The following APBA2 variants were observed in gnomAD, a reference collection of about 807,000 sequenced individuals.
APBA2 encodes amyloid-beta A4 precursor protein-binding family A member 2.
A neutral mutation model predicts 75.0 loss-of-function variants in APBA2; 30 were observed. The ratio of observed to expected loss-of-function variants is 0.40; its 90% confidence interval spans 0.30 to 0.54. APBA2 has a LOEUF of 0.54. Among genes scored for constraint, APBA2 ranks in the 20% least tolerant of loss-of-function variants. The pLI is 0.49. For synonymous variants in APBA2, 444 were observed against 409.6 expected, an observed-to-expected ratio of 1.08 and a Z score of -1.01; for missense variants, 801 against 1,016.1, an observed-to-expected ratio of 0.79 and a Z score of 2.88.
At chr15:28,897,041 G>A (rs1245428208) in intron 1 of APBA2, among the ~76,000 whole-genome samples, 1 of 152,022 alleles carries the variant, frequency 6.6e-6, no homozygotes, top group Admixed American at 6.6e-5. Context: ...TCACATCTCC[G>A]GCCCTGACAC....
At chr15:29,006,422 A>T (rs1294332087) in intron 3 of APBA2, among the ~76,000 whole-genome samples, 1 of 152,240 alleles carries the variant, frequency 6.6e-6, no homozygotes, top group East Asian at 1.9e-4. Flanking sequence ...CAGTAAATGG[A>T]AAGACATGGA....
rs1407546719 is a variant in APBA2, at chr15:29,114,903, G to A, written c.2178+887G>A. ...GGTGTGTGGCTGTGGGTGTGTGTGA[G>A]CATGGGGTGTCAAGCATGAGTGTGT... On this transcript the variant is annotated intron_variant, in intron 14 of 14. Coordinates refer to ENST00000683413, the MANE Select transcript of APBA2 (RefSeq NM_001353788.2). Among the ~76,000 whole-genome samples the A allele has an allele frequency of 4.9e-5, 7 of 141,758 alleles. No homozygotes were observed. In the East Asian group the frequency reaches 1.4e-3, roughly 29 times the overall value. The allele number at this position is 141,758 out of a possible 152,430, so 93.0% of individuals were successfully genotyped here. A position where few individuals can be genotyped will look rare whatever the true frequency, so the allele number is the denominator to read the frequency against.
At chr15:28,900,699 G>C (rs182453627) in intron 1 of APBA2, among the ~76,000 whole-genome samples, 2 of 152,076 alleles carry the variant, frequency 1.3e-5, no homozygotes, top group Non-Finnish European at 1.5e-5. Flanking sequence ...CCTGGGCGGC[G>C]CCCCTGTGTG....
At chr15:29,050,082 G>C (rs1293486601) in intron 3 of APBA2, among the ~76,000 whole-genome samples, 1 of 152,186 alleles carries the variant, frequency 6.6e-6, no homozygotes, top group Non-Finnish European at 1.5e-5. Flanking sequence ...GACATAGTTT[G>C]CTGGAATTTC....
chr15:29,002,622 G>C (rs1357776509), intron 3 of APBA2, among the ~76,000 whole-genome samples: 2 of 152,054 alleles, frequency 1.3e-5, no homozygotes, highest in Non-Finnish European at 2.9e-5. Context: ...CCTCACGTGT[G>C]GGGTACACTG....
intron 12 of APBA2, 125 bp from the exon 13 acceptor site, chr15:29,108,145 T>C: frequency 7.2e-7 from 1 of 1,391,186 alleles, no homozygotes; most frequent in East Asian, 2.3e-5. Context: ...GAGAGGGGAC[T>C]GCCTGCCTCT....
At chr15:28,940,911 G>A (rs1016549582) in intron 2 of APBA2, among the ~76,000 whole-genome samples, 4 of 152,232 alleles carry the variant, frequency 2.6e-5, no homozygotes, top group Admixed American at 6.5e-5. Context: ...CAAAGTCCAC[G>A]AGGATAGTGT....
At chr15:28,895,852 A>T (rs142139774) in intron 1 of APBA2, among the ~76,000 whole-genome samples, 1 of 151,766 alleles carries the variant, frequency 6.6e-6, no homozygotes, top group African/African-American at 2.4e-5. Context: ...GTGGTTCATG[A>T]GGTAATCCCA....
chr15:28,983,332 C>T lies in APBA2; in HGVS notation c.-94-12421C>T, dbSNP rs368028756. Among the ~76,000 whole-genome samples, 36 of 152,226 alleles carry T rather than the reference C, an allele frequency of 2.4e-4. No individual in the cohort carries two copies. The East Asian group carries it at 2.5e-3, about 11-fold the overall frequency. On this transcript the variant is annotated intron_variant, in intron 2 of 14. Coordinates refer to ENST00000683413, the MANE Select transcript of APBA2 (RefSeq NM_001353788.2). Reference sequence around the variant, plus strand: ...CATTTCCTTGCCTTCATTTTCCAGACGAAAAGATATGTATTTGTGGTGTGT... The same window carrying T: ...CATTTCCTTGCCTTCATTTTCCAGATGAAAAGATATGTATTTGTGGTGTGT...
At chr15:28,992,166 G>C (rs2038268191) in intron 2 of APBA2, among the ~76,000 whole-genome samples, 1 of 152,134 alleles carries the variant, frequency 6.6e-6, no homozygotes, top group Non-Finnish European at 1.5e-5. Flanking sequence ...CACATGAGCT[G>C]CCCTATTGGG....
At chr15:28,975,389 GC>G (rs1464423137) in intron 2 of APBA2, among the ~76,000 whole-genome samples, 1 of 152,140 alleles carries the variant, frequency 6.6e-6, no homozygotes, top group Admixed American at 6.5e-5. Flanking sequence ...GATGTAAAAT[GC>G]CTAAGTAAAA....
chr15:28,908,199 G>A (rs944341495), intron 1 of APBA2, among the ~76,000 whole-genome samples: 9 of 152,142 alleles, frequency 5.9e-5, no homozygotes, highest in African/African-American at 1.4e-4. Flanking sequence ...CAAAGCAGGC[G>A]TGGGCCATCT....
intron 3 of APBA2, among the ~76,000 whole-genome samples, chr15:29,022,091 G>T (rs116218085): frequency 6.6e-6 from 1 of 152,136 alleles, no homozygotes; most frequent in Non-Finnish European, 1.5e-5. Flanking sequence ...GAATAATGCC[G>T]CAGTGAGCGT....
At position 29,046,546 on chromosome 15, in the gene APBA2, G is replaced by A. The variant is rs534580848; in HGVS notation, c.-40-7299G>A. Among the ~76,000 whole-genome samples, 102 of 152,338 alleles carry A rather than the reference G, an allele frequency of 6.7e-4. 1 individual carries two copies. In the South Asian group the frequency reaches 0.015, roughly 22 times the overall value. On this transcript the variant is annotated intron_variant, in intron 3 of 14. Transcript: ENST00000683413. This position sits in a 1 kb window ranked among gnomAD's most constrained non-coding sequence, Gnocchi z 5.0. ...GGAGGTCAGATCCATTCCCTGGGCC[G>A]TCATCAGAGACCTGCAAGCATCTAC...
intron 1 of APBA2, among the ~76,000 whole-genome samples, chr15:28,894,580 AG>A (rs1338988130): frequency 1.3e-5 from 2 of 152,136 alleles, no homozygotes; most frequent in African/African-American, 4.8e-5. Context: ...CCCTGGGCAC[AG>A]GGGGGACTAT....
At chr15:29,110,848 G>C (rs1268859056) in intron 13 of APBA2, among the ~76,000 whole-genome samples, 1 of 152,190 alleles carries the variant, frequency 6.6e-6, no homozygotes, top group Non-Finnish European at 1.5e-5. Flanking sequence ...CAGAGAGCTG[G>C]AGAGTGCAAT....
chr15:28,910,707 C>T (rs1160423308), intron 1 of APBA2, among the ~76,000 whole-genome samples: 1 of 152,178 alleles, frequency 6.6e-6, no homozygotes, highest in Non-Finnish European at 1.5e-5. Context: ...AGAACCATGT[C>T]TGGGCTTAAC....
At chr15:29,072,363 AGT>A (rs2042661763) in intron 4 of APBA2, among the ~76,000 whole-genome samples, 1 of 152,168 alleles carries the variant, frequency 6.6e-6, no homozygotes, top group South Asian at 2.1e-4. Context: ...GAAATAGCAA[AGT>A]GTCCTCAACA....
chr15:29,108,942 G>A lies in APBA2; in HGVS notation c.2037+553G>A, dbSNP rs564983348. ...AAACCTGTACCAGTTCCCCAGGCCAGAGTTCTTTAGCCCAGAGTTTCCACC... is the reference window on the plus strand; with the variant it reads ...AAACCTGTACCAGTTCCCCAGGCCAAAGTTCTTTAGCCCAGAGTTTCCACC... On this transcript the variant is annotated intron_variant, in intron 13 of 14. Transcript: ENST00000683413. Among the ~76,000 whole-genome samples the A allele has an allele frequency of 6.6e-5, 10 of 152,350 alleles. No homozygotes were observed. The South Asian group carries it at 1.7e-3, about 25-fold the overall frequency.
Sources: allele counts gnomAD v4.1 joint callset (sites outside exome capture counted in the v4.1 genomes callset), GRCh38; gene constraint gnomAD v4.1.1; non-coding constraint Gnocchi (gnomAD v3.1); transcripts MANE v1.5; gene names NCBI Gene and HGNC (gene_info 2026-07-23, HGNC 2026-07-21).